VAT1L: variants seen among roughly 807,000 people sequenced by gnomAD.
VAT1L encodes the protein putative NADPH-dependent quinone oxidoreductase VAT1L.
In VAT1L, 34 loss-of-function variants were observed where a neutral mutation model predicts 44.1. That is an observed-to-expected ratio of 0.77 (90% CI 0.59 to 1.03). The LOEUF is 1.03. VAT1L is among the 50% of genes least tolerant of loss of function. The pLI is 0.00. For missense variants in VAT1L, 615 were observed against 538.8 expected, an observed-to-expected ratio of 1.14 and a Z score of -1.40; for synonymous variants, 253 against 202.2, an observed-to-expected ratio of 1.25 and a Z score of -2.13.
In VAT1L at chr16:77,879,350, G is replaced by C. The variant is rs1363897945; in HGVS notation, c.882+126G>C. 3 of 1,014,572 alleles carry C rather than the reference G, an allele frequency of 3.0e-6. No homozygotes were observed. Among genetic ancestry groups the C allele is most frequent in the Non-Finnish European group, 4.6e-6 (3 of 657,432 alleles). 62.8% of individuals were successfully genotyped at this position (1,014,572 alleles called of 1,614,324 possible). ...TCTGTCACCAGGCTGGAGTGCAATG[G>C]CACGATCTCGGCTCATGGCAACCTC... On this transcript the variant is annotated intron_variant, in intron 6 of 8. Transcript: ENST00000302536. This position sits in a 1 kb window ranked among gnomAD's most constrained non-coding sequence, Gnocchi z 4.1.
chr16:77,954,086 G>T (rs12928125), intron 7 of VAT1L, among the ~76,000 whole-genome samples: 41,069 of 152,002 alleles, frequency 0.27, 7,154 homozygotes, highest in Non-Finnish European at 0.38. Flanking sequence ...CAGCTGCTGG[G>T]TCTTTTGAGC....
intron 7 of VAT1L, among the ~76,000 whole-genome samples, chr16:77,928,681 T>C (rs1254756888): frequency 6.6e-6 from 1 of 152,224 alleles, no homozygotes; most frequent in African/African-American, 2.4e-5. Context: ...ACGTGTTTCA[T>C]ATTACTCACC....
At chr16:77,875,735 C>A (rs1277293186) in intron 4 of VAT1L, among the ~76,000 whole-genome samples, 2 of 152,228 alleles carry the variant, frequency 1.3e-5, no homozygotes, top group Non-Finnish European at 2.9e-5. Flanking sequence ...CTCTATTTAA[C>A]CCTCTTCCTC....
chr16:77,847,875 G>C (rs1041304183), intron 3 of VAT1L, among the ~76,000 whole-genome samples: 1 of 152,176 alleles, frequency 6.6e-6, no homozygotes, highest in Non-Finnish European at 1.5e-5. Context: ...TTATACAAAA[G>C]TAGGCTGTCA....
chr16:77,909,696 G>C (rs1567505507), intron 7 of VAT1L, among the ~76,000 whole-genome samples: 1 of 150,266 alleles, frequency 6.7e-6, no homozygotes, highest in Non-Finnish European at 1.5e-5. Context: ...CACTCTGCCT[G>C]TATCTTTTCG....
chr16:77,853,192 G>A (rs1224261274), intron 3 of VAT1L, among the ~76,000 whole-genome samples: 1 of 152,178 alleles, frequency 6.6e-6, no homozygotes, highest in African/African-American at 2.4e-5. Context: ...AGCATCAAGA[G>A]CCTCAGAGCC....
intron 1 of VAT1L, among the ~76,000 whole-genome samples, chr16:77,808,571 AC>A (rs2016205322): frequency 6.6e-6 from 1 of 152,008 alleles, no homozygotes; most frequent in South Asian, 2.1e-4. Context: ...TTGTCATCGT[AC>A]AGTGATCAGT....
chr16:77,822,005 G>C (rs1270470710), intron 2 of VAT1L, among the ~76,000 whole-genome samples: 1 of 152,206 alleles, frequency 6.6e-6, no homozygotes. Context: ...TTTCCAGCAT[G>C]CCCATAAGGG....
At chr16:77,790,545 G>A (rs546745226) in intron 1 of VAT1L, among the ~76,000 whole-genome samples, 74 of 152,038 alleles carry the variant, frequency 4.9e-4, no homozygotes, top group Non-Finnish European at 9.4e-4. Flanking sequence ...CTTTTGCTTA[G>A]TACAATTAAA....
chr16:77,849,183 G>A (rs1474018746), intron 3 of VAT1L, among the ~76,000 whole-genome samples: 1 of 152,108 alleles, frequency 6.6e-6, no homozygotes. Context: ...AGAACTTAAA[G>A]TATAATAACA....
chr16:77,807,631 C>T (rs1160220942), intron 1 of VAT1L, among the ~76,000 whole-genome samples: 2 of 152,100 alleles, frequency 1.3e-5, no homozygotes, highest in East Asian at 1.9e-4. Flanking sequence ...AGTCTGTTTC[C>T]CAGGGAACCT....
intron 1 of VAT1L, among the ~76,000 whole-genome samples, chr16:77,789,468 T>G (rs74026864): frequency 0.17 from 25,934 of 152,124 alleles, 2,463 homozygotes; most frequent in African/African-American, 0.23. Flanking sequence ...GGCCGGGAAT[T>G]TGATACATGA....
intron 7 of VAT1L, among the ~76,000 whole-genome samples, chr16:77,915,155 G>A (rs1308877571): frequency 1.3e-5 from 2 of 152,086 alleles, no homozygotes; most frequent in Non-Finnish European, 2.9e-5. Context: ...GGATTGGAAT[G>A]CAACTCAATT....
At chr16:77,809,577 G>T (rs1375938875) in intron 1 of VAT1L, among the ~76,000 whole-genome samples, 1 of 152,164 alleles carries the variant, frequency 6.6e-6, no homozygotes, top group Non-Finnish European at 1.5e-5. Flanking sequence ...GGGCCAGGAT[G>T]TGCACTTTCA....
intron 7 of VAT1L, among the ~76,000 whole-genome samples, chr16:77,909,034 TAATC>T (rs1226319589): frequency 1.4e-4 from 21 of 152,144 alleles, no homozygotes; most frequent in African/African-American, 3.9e-4. Flanking sequence ...ATGATGATAA[TAATC>T]AACACACATT....
At chr16:77,826,619 T>G (rs1249410404) in intron 3 of VAT1L, among the ~76,000 whole-genome samples, 1 of 152,216 alleles carries the variant, frequency 6.6e-6, no homozygotes. Flanking sequence ...ATGGTTTGTC[T>G]GTGTCTCATT....
chr16:77,910,969 T>A (rs1054198734), intron 7 of VAT1L, among the ~76,000 whole-genome samples: 4 of 152,202 alleles, frequency 2.6e-5, no homozygotes, highest in Non-Finnish European at 5.9e-5. Flanking sequence ...TAAATAACTT[T>A]CCCAGAGTCA....
chr16:77,868,961 T>C (rs1001457845), intron 4 of VAT1L, among the ~76,000 whole-genome samples: 1 of 152,158 alleles, frequency 6.6e-6, no homozygotes, highest in Non-Finnish European at 1.5e-5. Context: ...GATGAGACTC[T>C]TGAAAGCTCT....
chr16:77,911,838 G>C (rs1353235732), intron 7 of VAT1L, among the ~76,000 whole-genome samples: 1 of 152,228 alleles, frequency 6.6e-6, no homozygotes, highest in Admixed American at 6.5e-5. Context: ...GGGAGGATGA[G>C]AATTCCAAAT....
Sources: gnomAD v4.1 joint callset for allele counts (sites outside exome capture counted in the v4.1 genomes callset) on GRCh38, gnomAD v4.1.1 for gene constraint, Gnocchi (gnomAD v3.1) non-coding constraint, MANE v1.5 for transcripts, NCBI Gene and HGNC (gene_info 2026-07-23, HGNC 2026-07-21) for gene names.